The following FAR1 variants were observed in gnomAD, a reference collection of about 807,000 sequenced individuals.
The protein encoded by FAR1 is male sterility domain-containing protein 2.
Under a neutral mutation model 61.1 loss-of-function variants are expected in FAR1, and 22 were observed. The observed-to-expected ratio is 0.36, with a 90% CI of 0.26 to 0.51. FAR1 has a LOEUF of 0.51. Ranked by LOEUF, FAR1 falls within the 20% of genes least tolerant of loss-of-function variation. FAR1 has a pLI of 0.95. For missense variants in FAR1, 359 were observed against 626.9 expected (o/e 0.57, Z 4.56); for synonymous variants, 206 against 209.7 (o/e 0.98, Z 0.15).
chr11:13,677,465 T>C (rs1458237199), intron 1 of FAR1, among the ~76,000 whole-genome samples: 1 of 152,228 alleles, frequency 6.6e-6, no homozygotes, highest in Non-Finnish European at 1.5e-5. Context: ...GAGTTTGTTA[T>C]GGGATTTAGT....
At chr11:13,686,151 C>T (rs1848182617) in intron 1 of FAR1, among the ~76,000 whole-genome samples, 1 of 152,144 alleles carries the variant, frequency 6.6e-6, no homozygotes, top group Non-Finnish European at 1.5e-5. Flanking sequence ...GCTGAGGGAC[C>T]TCAGGCAAGA....
Position 13,700,316 on chromosome 11 carries a change from G to T in FAR1, c.190-1G>T. The T allele has an allele frequency of 1.3e-6, 2 of 1,564,866 alleles. No homozygotes were observed. The highest frequency in any genetic ancestry group is 8.6e-7 in the Non-Finnish European group (1 of 1,162,978). On this transcript the variant is annotated splice_acceptor_variant, in intron 2 of 11. Coordinates refer to ENST00000354817, the MANE Select transcript of FAR1 (RefSeq NM_032228.6). LOFTEE classifies it high-confidence loss of function. ...AAATAAATATTTTTCCCTCTTGATA[G>T]CTTTTTGACAGATTGAGAGATGAAA...
In FAR1 at chr11:13,710,953, T is replaced by A. The variant is rs528318391; in HGVS notation, c.723+83T>A. ...TGTATAAAAAGAGCTGGCAGTTCTT[T>A]AAGAACAGGTATTATTTACTAAAGG... On this transcript the variant is annotated intron_variant, in intron 5 of 11. Transcript: ENST00000354817. 116 of 1,197,922 alleles carry A rather than the reference T, an allele frequency of 9.7e-5. 1 individual carries two copies. The South Asian group carries it at 1.6e-3, about 16-fold the overall frequency. The allele number at this position is 1,197,922 out of a possible 1,614,324, so 74.2% of individuals were successfully genotyped here. A position where few individuals can be genotyped will look rare whatever the true frequency, so the allele number is the denominator to read the frequency against.
rs185932711 is a variant in FAR1, at chr11:13,724,270, G to A, written c.1257+2411G>A. 1.6e-3 allele frequency among the ~76,000 whole-genome samples: 219 copies of A among 141,154 alleles called. 1 individual carries two copies. Among genetic ancestry groups the A allele is most frequent in the African/African-American group, 5.0e-3 (197 of 39,104 alleles). The allele number at this position is 141,154 out of a possible 152,430, so 92.6% of individuals were successfully genotyped here. ...AGGCCTTAAATAGACAGTAGGGGCCGGGCGTGGTGGCTCACACCTGTAATC... is the reference window on the plus strand; with the variant it reads ...AGGCCTTAAATAGACAGTAGGGGCCAGGCGTGGTGGCTCACACCTGTAATC... On this transcript the variant is annotated intron_variant, in intron 10 of 11. Transcript: ENST00000354817.
chr11:13,692,112 A>T (rs1239838846), intron 1 of FAR1, among the ~76,000 whole-genome samples: 3 of 152,170 alleles, frequency 2.0e-5, no homozygotes, highest in African/African-American at 4.8e-5. Flanking sequence ...GGATGCAGTG[A>T]GCCGAGATTG....
intron 3 of FAR1, 102 bp downstream of exon 3, chr11:13,700,594 T>C (rs1352070520): frequency 6.9e-6 from 5 of 726,622 alleles, no homozygotes; most frequent in Non-Finnish European, 1.0e-5. Flanking sequence ...TGTGATTTGA[T>C]ACTATTTGCC....
intron 1 of FAR1, among the ~76,000 whole-genome samples, chr11:13,673,741 T>C (rs886568608): frequency 3.3e-5 from 5 of 152,220 alleles, no homozygotes; most frequent in South Asian, 2.1e-4. Flanking sequence ...TTTTTGAAGA[T>C]GTATATTGTC....
rs1848613990 is a variant in FAR1 at position 13,721,959 on chromosome 11, A to C, written c.1257+100A>C. On this transcript the variant is annotated intron_variant, in intron 10 of 11. Transcript: ENST00000354817. The surrounding 1 kb of genome is among the most constrained non-coding windows in gnomAD (Gnocchi z 4.2). ...ATATTTTCCACAGCTATTATGCAAC[A>C]AGTAAGCCATTATTTATAGTCTCTC... is the stretch of plus-strand genomic sequence containing the variant. 2.1e-6 allele frequency: 2 copies of C among 939,574 alleles called. No individual in the cohort carries two copies. The highest frequency in any genetic ancestry group is 1.5e-6 in the Non-Finnish European group (1 of 648,502). 58.2% of individuals were successfully genotyped at this position (939,574 alleles called of 1,614,324 possible). A position where few individuals can be genotyped will look rare whatever the true frequency, so the allele number is the denominator to read the frequency against.
Position 13,721,899 on chromosome 11 carries a change from G to A in FAR1, c.1257+40G>A. ...TCTGTTTTATATTAGAAAATAAGTA[G>A]CATACTAATTACAGAACTATTAGCA... On this transcript the variant is annotated intron_variant, in intron 10 of 11. Transcript: ENST00000354817. This position sits in a 1 kb window ranked among gnomAD's most constrained non-coding sequence, Gnocchi z 4.2. 2 of 1,521,236 alleles carry A rather than the reference G, an allele frequency of 1.3e-6. No individual in the cohort carries two copies. Among genetic ancestry groups the A allele is most frequent in the Non-Finnish European group, 1.8e-6 (2 of 1,118,828 alleles). 94.2% of individuals were successfully genotyped at this position (1,521,236 alleles called of 1,614,324 possible).
At chr11:13,683,542 T>G (rs530307407) in intron 1 of FAR1, among the ~76,000 whole-genome samples, 79 of 136,218 alleles carry the variant, frequency 5.8e-4, no homozygotes, top group Non-Finnish European at 1.0e-3. Context: ...AAGTTTTTTG[T>G]TTTTTTTTAA....
intron 1 of FAR1, among the ~76,000 whole-genome samples, chr11:13,688,185 A>T (rs35846355): frequency 0.02 from 3,004 of 152,166 alleles, 35 homozygotes; most frequent in East Asian, 0.055. Flanking sequence ...AGCAAAAAAA[A>T]ATATATATTT....
intron 1 of FAR1, among the ~76,000 whole-genome samples, chr11:13,689,242 A>G (rs1385983782): frequency 2.6e-5 from 4 of 152,208 alleles, no homozygotes; most frequent in Non-Finnish European, 5.9e-5. Context: ...TTTTTAAAAA[A>G]TGAGCCTCCC....
chr11:13,700,413 G>C lies in FAR1; in HGVS notation c.286G>C (p.Glu96Gln), dbSNP rs12793516. The change falls in exon 3 of 12, where the codon GAA becomes CAA. Residue 96 changes from glutamate (E) to glutamine (Q), a missense_variant. Transcript: ENST00000354817. ...LTQPKLALSE[E>Q]DKEVIIDSTN... ...CCAACCTAAACTGGCTCTCAGTGAA[G>C]AAGATAAAGAGGTGATCATAGATTC... 154 of 1,600,016 alleles carry C rather than the reference G, an allele frequency of 9.6e-5. No individual in the cohort carries two copies. Among genetic ancestry groups the C allele is most frequent in the Non-Finnish European group, 1.2e-4 (146 of 1,174,832 alleles).
intron 1 of FAR1, among the ~76,000 whole-genome samples, chr11:13,683,531 TAA>T (rs1848152928): frequency 6.6e-6 from 1 of 151,738 alleles, no homozygotes; most frequent in African/African-American, 2.4e-5. Context: ...TCTTCATTGG[TAA>T]GTTTTTTGTT....
rs1848358716 is a variant in FAR1, at chr11:13,700,416, G to A, written c.289G>A (p.Asp97Asn). Residue 97 changes from aspartate to asparagine, a missense_variant, in exon 3 of 12, where the codon GAT (aspartate) becomes AAT (asparagine). By Grantham distance (23) the Asp-to-Asn change is conservative. Around this residue, in one of 2 missense-constraint regions of FAR1, gnomAD observed 344 missense variants for 570.3 expected, o/e 0.60. Transcript: ENST00000354817. ...TQPKLALSEE[D>N]KEVIIDSTNI... is the part of the protein sequence containing the mutation. ...ACCTAAACTGGCTCTCAGTGAAGAA[G>A]ATAAAGAGGTGATCATAGATTCTAC... 6.3e-7 allele frequency: 1 copy of A among 1,597,918 alleles called. No individual in the cohort carries two copies. The highest frequency in any genetic ancestry group is 8.5e-7 in the Non-Finnish European group (1 of 1,174,112).
chr11:13,704,656 A>G (rs1042120423), intron 3 of FAR1, among the ~76,000 whole-genome samples: 85 of 152,210 alleles, frequency 5.6e-4, no homozygotes, highest in African/African-American at 2.0e-3. Flanking sequence ...ACATTTTTTA[A>G]ATTACAGATG....
chr11:13,723,925 A>G (rs1848642050), intron 10 of FAR1, among the ~76,000 whole-genome samples: 1 of 152,330 alleles, frequency 6.6e-6, no homozygotes, highest in African/African-American at 2.4e-5. Context: ...GAAACATATT[A>G]AATATAATTG....
intron 1 of FAR1, among the ~76,000 whole-genome samples, chr11:13,690,275 T>G (rs1848235188): frequency 1.3e-5 from 2 of 152,210 alleles, no homozygotes; most frequent in African/African-American, 4.8e-5. Context: ...ATTTGGAATT[T>G]ACATATTTAT....
chr11:13,702,392 A>G (rs1848386615), intron 3 of FAR1, among the ~76,000 whole-genome samples: 1 of 152,172 alleles, frequency 6.6e-6, no homozygotes, highest in African/African-American at 2.4e-5. Context: ...ATTATTTTTA[A>G]AAGTAACACC....
Sources: allele counts gnomAD v4.1 joint callset (sites outside exome capture counted in the v4.1 genomes callset), GRCh38; gene constraint gnomAD v4.1.1; regional missense constraint gnomAD v4.1.1; non-coding constraint Gnocchi (gnomAD v3.1); transcripts MANE v1.5; gene names NCBI Gene and HGNC (gene_info 2026-07-23, HGNC 2026-07-21).